Variants in ZNF730 observed in about 807,000 individuals in gnomAD.
ZNF730 encodes zinc finger protein 730.
A neutral mutation model predicts 12.6 loss-of-function variants in ZNF730; 12 were observed. The observed-to-expected ratio is 0.95, with a 90% CI of 0.61 to 1.54. The LOEUF is 1.54. ZNF730 is among the 40% of genes most tolerant of loss of function. The probability of loss-of-function intolerance (pLI) is 0.00; values close to 1 mark genes in which losing one functional copy is unlikely to be tolerated. For synonymous variants in ZNF730, 194 were observed against 195.8 expected, an observed-to-expected ratio of 0.99 and a Z score of 0.08; for missense variants, 643 against 583.5, an observed-to-expected ratio of 1.10 and a Z score of -1.05.
At chr19:23,144,134 T>C (rs1970968179) in intron 3 of ZNF730, 4 of 152,314 alleles carry the variant, frequency 2.6e-5, no homozygotes, top group Middle Eastern at 3.4e-3. Flanking sequence ...AAAATTAATG[T>C]GTACATCTTT....
Position 23,146,506 on chromosome 19 carries a change from G to C in ZNF730, c.1462G>C (p.Ala488Pro). 1 of 1,591,092 alleles carries C rather than the reference G, an allele frequency of 6.3e-7. No individual in the cohort carries two copies. The highest frequency in any genetic ancestry group is 1.1e-5 in the South Asian group (1 of 88,518). Reference protein sequence around the residue: ...KIYKCKECGKAFRRFSHLTRH... With the variant: ...KIYKCKECGKPFRRFSHLTRH... Reference sequence around the variant, plus strand: ...CTACAAATGTAAAGAATGTGGTAAAGCCTTTAGGCGGTTCTCACACCTTAC... The same window carrying C: ...CTACAAATGTAAAGAATGTGGTAAACCCTTTAGGCGGTTCTCACACCTTAC... Residue 488 changes from alanine to proline, a missense_variant, in exon 4 of 4, where the codon GCC becomes CCC. Coordinates refer to ENST00000597761, the MANE Select transcript of ZNF730 (RefSeq NM_001277403.2).
At chr19:23,125,000 T>G (rs1970644428) in intron 1 of ZNF730, among the ~76,000 whole-genome samples, 1 of 152,170 alleles carries the variant, frequency 6.6e-6, no homozygotes, top group African/African-American at 2.4e-5. Flanking sequence ...AGGTGTTTCC[T>G]GCACTGTTCT....
At chr19:23,121,958 A>G (rs1046233305) in intron 1 of ZNF730, among the ~76,000 whole-genome samples, 1 of 152,152 alleles carries the variant, frequency 6.6e-6, no homozygotes, top group Non-Finnish European at 1.5e-5. Context: ...TTTTAGAAAT[A>G]TATGTAAATC....
rs556123915 is a variant in ZNF730 at position 23,085,836 on chromosome 19, C to CTTTTTT, written c.-94+10471_-94+10476dup. Among the ~76,000 whole-genome samples the CTTTTTT allele has an allele frequency of 3.8e-3, 206 of 54,866 alleles. 34 individuals are homozygous for CTTTTTT. Among genetic ancestry groups the CTTTTTT allele is most frequent in the Non-Finnish European group, 4.9e-3 (148 of 30,270 alleles). 36.0% of individuals were successfully genotyped at this position (54,866 alleles called of 152,430 possible). ...GACCTATTTCACCCAATTTTTTTTT[C>CTTTTTT]TTTTTTTTTTTTTTTTTTTTTTTTT... On this transcript the variant is annotated intron_variant, in intron 1 of 2. Transcript: ENST00000593635.
chr19:23,079,659 T>C (rs899534529), intron 1 of ZNF730, among the ~76,000 whole-genome samples: 2 of 152,132 alleles, frequency 1.3e-5, no homozygotes. Context: ...CATTATTAGG[T>C]GTACAGTTTA....
chr19:23,099,839 A>G (rs1214259862), intron 1 of ZNF730, among the ~76,000 whole-genome samples: 1 of 152,176 alleles, frequency 6.6e-6, no homozygotes, highest in African/African-American at 2.4e-5. Flanking sequence ...ACCTGGGCCC[A>G]GTACCCAGTG....
At chr19:23,080,093 G>A (rs1030306660) in intron 1 of ZNF730, among the ~76,000 whole-genome samples, 4 of 151,902 alleles carry the variant, frequency 2.6e-5, no homozygotes, top group East Asian at 1.9e-4. Flanking sequence ...TTACAGGCAC[G>A]CGCCACCATG....
At chr19:23,126,907 A>G in intron 1 of ZNF730, 1 of 526,896 alleles carries the variant, frequency 1.9e-6, no homozygotes, top group Admixed American at 2.2e-5. Flanking sequence ...CTTAAGTAAT[A>G]TTTTTAAGGG....
chr19:23,095,781 T>C (rs1970239278), intron 1 of ZNF730, among the ~76,000 whole-genome samples: 3 of 152,100 alleles, frequency 2.0e-5, no homozygotes. Context: ...AAAAAGAGAT[T>C]GTGACATACT....
intron 1 of ZNF730, among the ~76,000 whole-genome samples, chr19:23,130,216 A>G (rs1261437548): frequency 6.6e-6 from 1 of 152,140 alleles, no homozygotes; most frequent in East Asian, 1.9e-4. Context: ...TTCTCGTGAT[A>G]GTGAATGAAC....
chr19:23,106,169 A>G (rs557119418), intron 1 of ZNF730, among the ~76,000 whole-genome samples: 1 of 152,022 alleles, frequency 6.6e-6, no homozygotes, highest in Admixed American at 6.6e-5. Context: ...GGAGAAGGGG[A>G]GATGGAGAAA....
chr19:23,098,341 T>C (rs542576947), intron 1 of ZNF730: 1 of 152,218 alleles, frequency 6.6e-6, no homozygotes, highest in South Asian at 2.1e-4. Flanking sequence ...ATCACCTAGG[T>C]TATGTGAATC....
At chr19:23,076,035 C>G (rs921681424) in intron 1 of ZNF730, among the ~76,000 whole-genome samples, 6 of 146,424 alleles carry the variant, frequency 4.1e-5, no homozygotes, top group Admixed American at 6.7e-5. Context: ...TCTGTGCCTT[C>G]CTAATGTGTG....
chr19:23,104,472 A>G (rs182036564), intron 1 of ZNF730, among the ~76,000 whole-genome samples: 1 of 152,280 alleles, frequency 6.6e-6, no homozygotes, highest in Admixed American at 6.5e-5. Context: ...AGTCAAGGAA[A>G]CTTGTTTTTA....
rs750894061 is a variant in ZNF730 at position 23,145,362 on chromosome 19, T to C, written c.318T>C (p.Cys106=). The change falls in exon 4 of 4, where the codon TGT becomes TGC. Residue 106 remains cysteine (C), a synonymous_variant. Transcript: ENST00000597761. Reference sequence around the variant, plus strand: ...TCATACTGAGACAATATAAAAAATGTAGACATGAGAATTTACTGTTAAGAA... The same window carrying C: ...TCATACTGAGACAATATAAAAAATGCAGACATGAGAATTTACTGTTAAGAA... ...QEVILRQYKK[C]RHENLLLRKG... is the part of the protein sequence containing the mutation. 1.3e-6 allele frequency: 2 copies of C among 1,594,786 alleles called. No homozygotes were observed. Among genetic ancestry groups the C allele is most frequent in the Non-Finnish European group, 1.7e-6 (2 of 1,171,276 alleles).
At chr19:23,120,747 G>C (rs1480562197) in intron 1 of ZNF730, among the ~76,000 whole-genome samples, 2 of 151,966 alleles carry the variant, frequency 1.3e-5, no homozygotes, top group African/African-American at 4.8e-5. Flanking sequence ...TTAGGAGTTG[G>C]TTTTCTCTTG....
chr19:23,080,264 CT>C (rs1170307516), intron 1 of ZNF730, among the ~76,000 whole-genome samples: 1 of 152,160 alleles, frequency 6.6e-6, no homozygotes, highest in African/African-American at 2.4e-5. Flanking sequence ...CAGGTATTAT[CT>C]TTTGTGAGTC....
chr19:23,117,377 C>T (rs1457833712), intron 1 of ZNF730, among the ~76,000 whole-genome samples: 1 of 152,180 alleles, frequency 6.6e-6, no homozygotes, highest in Non-Finnish European at 1.5e-5. Context: ...CCTGTCTCTT[C>T]CCTGCACTGT....
chr19:23,097,485 A>G (rs974837867), intron 1 of ZNF730, among the ~76,000 whole-genome samples: 1 of 152,002 alleles, frequency 6.6e-6, no homozygotes, highest in Non-Finnish European at 1.5e-5. Context: ...CCCAACACCA[A>G]GGTTATTTGG....
Sources: allele counts gnomAD v4.1 joint callset (sites outside exome capture counted in the v4.1 genomes callset), GRCh38; gene constraint gnomAD v4.1.1; transcripts MANE v1.5; gene names NCBI Gene and HGNC (gene_info 2026-07-23, HGNC 2026-07-21).